CKS1B: variants seen among roughly 807,000 people sequenced by gnomAD.
CKS1B encodes the protein CDC28 protein kinase regulatory subunit 1B, also known as cyclin-dependent kinases regulatory subunit 1.
Under a neutral mutation model 12.2 loss-of-function variants are expected in CKS1B, and 5 were observed. The observed-to-expected ratio is 0.41, with a 90% CI of 0.21 to 0.86. The LOEUF (loss-of-function observed/expected upper bound fraction) is 0.86. CKS1B is among the 40% of genes least tolerant of loss of function. The pLI is 0.32. For synonymous variants in CKS1B, 24 were observed against 34.4 expected (o/e 0.70, Z 1.06); for missense variants, 53 against 99.9 (o/e 0.53, Z 2.00).
At chr1:154,978,551 G>A in intron 2 of CKS1B, 174 bp from the exon 3 acceptor site, 1 of 617,918 alleles carries the variant, frequency 1.6e-6, no homozygotes, top group Non-Finnish European at 2.9e-6. Context: ...TAACAATTCT[G>A]TACTTGGCAG....
intron 1 of CKS1B, 76 bp from the exon 2 acceptor site, chr1:154,977,911 C>T: frequency 2.1e-6 from 3 of 1,437,670 alleles, no homozygotes; most frequent in Admixed American, 2.4e-5. Context: ...CTTTCTTGGC[C>T]TTGTAAACAG....
intron 1 of CKS1B, 113 bp from the exon 2 acceptor site, chr1:154,977,874 C>CT: frequency 9.5e-7 from 1 of 1,057,564 alleles, no homozygotes; most frequent in Non-Finnish European, 1.3e-6. Flanking sequence ...TATATAAACT[C>CT]TGACATCAAA....
At chr1:154,974,869 T>G in intron 1 of CKS1B, 65 bp downstream of exon 1, 1 of 1,613,964 alleles carries the variant, frequency 6.2e-7, no homozygotes, top group Non-Finnish European at 8.5e-7. Flanking sequence ...CACAAGGAAT[T>G]AGTAACAGGA....
intron 1 of CKS1B, 34 bp from the exon 2 acceptor site, chr1:154,977,953 A>C (rs1657229530): frequency 6.2e-7 from 1 of 1,606,298 alleles, no homozygotes; most frequent in African/African-American, 1.3e-5. Context: ...TCTGGTACTA[A>C]CATAAATTCC....
chr1:154,978,191 A>G (rs1657236603), intron 2 of CKS1B, 77 bp downstream of exon 2: 2 of 1,381,280 alleles, frequency 1.4e-6, no homozygotes, highest in Non-Finnish European at 1.9e-6. Context: ...TATAACCCAA[A>G]TAGGGAGATA....
chr1:154,977,965 C>T (rs1657229811), intron 1 of CKS1B, 22 bp from the exon 2 acceptor site: 3 of 1,608,602 alleles, frequency 1.9e-6, no homozygotes, highest in East Asian at 4.5e-5. Context: ...ATAAATTCCC[C>T]ACTTCCCCGT....
chr1:154,974,898 G>T, intron 1 of CKS1B, 94 bp downstream of exon 1: 1 of 1,614,050 alleles, frequency 6.2e-7, no homozygotes, highest in Non-Finnish European at 8.5e-7. Flanking sequence ...GATAGAATTG[G>T]CGCATGCGTA....
chr1:154,974,716 C>T lies in CKS1B; in HGVS notation c.-30C>T. On this transcript the variant is annotated 5_prime_UTR_variant, in exon 1 of 3. Coordinates refer to ENST00000308987, the MANE Select transcript of CKS1B (RefSeq NM_001826.3). ...GGGAGTTGCTTGGAGGTTGGCGGCG[C>T]GGGGCTGAAGGCTAGCAAACCGAGC... 3 of 1,567,038 alleles carry T rather than the reference C, an allele frequency of 1.9e-6. No individual in the cohort carries two copies. Among genetic ancestry groups the T allele is most frequent in the Middle Eastern group, 3.9e-4 (2 of 5,086 alleles).
At chr1:154,975,172 C>G in intron 1 of CKS1B, 1 of 587,140 alleles carries the variant, frequency 1.7e-6, no homozygotes, top group Non-Finnish European at 3.0e-6. Context: ...GAGAACGTAG[C>G]AAAAGCGGAG....
At chr1:154,977,619 T>G (rs896946830) in intron 1 of CKS1B, 1 of 186,630 alleles carries the variant, frequency 5.4e-6, no homozygotes, top group African/African-American at 2.4e-5. Context: ...ATAAAAGGCC[T>G]TTCCTCGCCA....
chr1:154,977,083 C>G (rs1657207346), intron 1 of CKS1B, among the ~76,000 whole-genome samples: 1 of 152,034 alleles, frequency 6.6e-6, no homozygotes. Flanking sequence ...AGTGCAGTGG[C>G]TATTCACAGG....
Position 154,977,972 on chromosome 1 carries a change from C to T in CKS1B, c.60-15C>T. ...GTACTAACATAAATTCCCCACTTCC[C>T]CGTTTCTGTTACAGACATGTCATGC... On this transcript the variant is annotated splice_polypyrimidine_tract_variant and intron_variant, in intron 1 of 2. Coordinates refer to ENST00000308987, the MANE Select transcript of CKS1B (RefSeq NM_001826.3). 1.2e-6 allele frequency: 2 copies of T among 1,610,454 alleles called. No homozygotes were observed. The highest frequency in any genetic ancestry group is 1.7e-6 in the Non-Finnish European group (2 of 1,178,340).
chr1:154,974,971 G>T, intron 1 of CKS1B, 167 bp downstream of exon 1: 1 of 1,601,726 alleles, frequency 6.2e-7, no homozygotes, highest in South Asian at 1.1e-5. Context: ...GCGGAGGTGG[G>T]AGGCGCTCGT....
At chr1:154,976,260 G>A (rs1428828840) in intron 1 of CKS1B, among the ~76,000 whole-genome samples, 1 of 152,208 alleles carries the variant, frequency 6.6e-6, no homozygotes, top group Non-Finnish European at 1.5e-5. Flanking sequence ...TCCTGGCACT[G>A]GATGTGGCAT....
At chr1:154,978,486 C>T in intron 2 of CKS1B, 1 of 556,774 alleles carries the variant, frequency 1.8e-6, no homozygotes, top group Non-Finnish European at 3.2e-6. Flanking sequence ...AGCTGCCAGG[C>T]AAAACTAATA....
intron 1 of CKS1B, among the ~76,000 whole-genome samples, chr1:154,975,334 G>T (rs1657134836): frequency 6.6e-6 from 1 of 152,166 alleles, no homozygotes; most frequent in Non-Finnish European, 1.5e-5. Flanking sequence ...CTGGCTAGGA[G>T]CATTGAGAAA....
At chr1:154,977,878 C>T in intron 1 of CKS1B, 109 bp from the exon 2 acceptor site, 1 of 1,131,376 alleles carries the variant, frequency 8.8e-7, no homozygotes, top group Non-Finnish European at 1.2e-6. Context: ...TAAACTCTGA[C>T]ATCAAAAACC....
At chr1:154,977,964 C>T in intron 1 of CKS1B, 23 bp from the exon 2 acceptor site, 1 of 1,608,548 alleles carries the variant, frequency 6.2e-7, no homozygotes, top group Non-Finnish European at 8.5e-7. Flanking sequence ...CATAAATTCC[C>T]CACTTCCCCG....
Position 154,974,788 on chromosome 1 carries a change from G to C in CKS1B, c.43G>C (p.Glu15Gln). Reference protein sequence around the residue: ...QIYYSDKYDDEEFEYRHVMLP... With the variant: ...QIYYSDKYDDQEFEYRHVMLP... ...TTACTATTCGGACAAATACGACGACGAGGAGTTTGAGTATCGGTTAGTGCT... is the reference window on the plus strand; with the variant it reads ...TTACTATTCGGACAAATACGACGACCAGGAGTTTGAGTATCGGTTAGTGCT... Residue 15 changes from glutamate to glutamine, a missense_variant, in exon 1 of 3, where the codon GAG becomes CAG. Coordinates refer to ENST00000308987, the MANE Select transcript of CKS1B (RefSeq NM_001826.3). The C allele has an allele frequency of 6.2e-7, 1 of 1,613,854 alleles. No individual in the cohort carries two copies. The highest frequency in any genetic ancestry group is 8.5e-7 in the Non-Finnish European group (1 of 1,179,830).
Sources: allele counts gnomAD v4.1 joint callset (sites outside exome capture counted in the v4.1 genomes callset), GRCh38; gene constraint gnomAD v4.1.1; transcripts MANE v1.5; gene names NCBI Gene and HGNC (gene_info 2026-07-23, HGNC 2026-07-21).